TP73: variants seen among roughly 807,000 people sequenced by gnomAD.
TP73 encodes tumor protein p73, also known as p53-like transcription factor.
A neutral mutation model predicts 62.5 loss-of-function variants in TP73; 25 were observed. That is an observed-to-expected ratio of 0.40 (90% confidence interval 0.29 to 0.56). The LOEUF is 0.56. Ranked by LOEUF, TP73 falls within the 20% of genes least tolerant of loss-of-function variation. TP73 has a pLI of 0.46. For synonymous variants in TP73, 423 were observed against 377.5 expected, an observed-to-expected ratio of 1.12 and a Z score of -1.40; for missense variants, 754 against 913.3, an observed-to-expected ratio of 0.83 and a Z score of 2.25.
chr1:3,688,426 A>G (rs1050002637), intron 3 of TP73, among the ~76,000 whole-genome samples: 1 of 152,304 alleles, frequency 6.6e-6, no homozygotes. Flanking sequence ...GTTCTGGCAC[A>G]TAACCCCTCC....
rs1381544759 is a variant in TP73, at chr1:3,731,062, T to C, written c.1481T>C (p.Val494Ala). 8 of 1,610,772 alleles carry C rather than the reference T, an allele frequency of 5.0e-6. No individual in the cohort carries two copies. The Admixed American group carries it at 6.7e-5, about 13-fold the overall frequency. ...CCCTACCACGCCGACCCCAGCCTCG[T>C]CAGGTGCGTGGGCTGCCGAGGGCCT... ...PPPYHADPSL[V>A]SFLTGLGCPN... is the part of the protein sequence containing the mutation. The change falls in exon 12 of 14, where the codon GTC becomes GCC. Residue 494 changes from valine (V) to alanine (A), a missense_variant. Physicochemically the swap from Val to Ala is moderately conservative, Grantham distance 64. Coordinates refer to ENST00000378295, the MANE Select transcript of TP73 (RefSeq NM_005427.4).
In TP73 at chr1:3,683,066, A is replaced by G. The variant is rs745328021; in HGVS notation, c.72A>G (p.Pro24=). 2.1e-5 allele frequency: 33 copies of G among 1,606,898 alleles called. No homozygotes were observed. The highest frequency in any genetic ancestry group is 2.7e-5 in the Non-Finnish European group (32 of 1,174,500). ...TFEHLWSSLE[P]DSTYFDLPQS... ...TTTCCTCTCCCTGCCCCAGGGAACC[A>G]GACAGCACCTACTTCGACCTTCCCC... Residue 24 remains proline, a synonymous_variant, in exon 3 of 14, where the codon CCA becomes CCG. Transcript: ENST00000378295.
chr1:3,687,402 T>G (rs1645686775), intron 3 of TP73, among the ~76,000 whole-genome samples: 2 of 152,132 alleles, frequency 1.3e-5, no homozygotes, highest in Non-Finnish European at 2.9e-5. Context: ...TAAAGCTCCC[T>G]CGTAGGCTCG....
chr1:3,705,047 C>T (rs1236340031), intron 3 of TP73, among the ~76,000 whole-genome samples: 3 of 152,176 alleles, frequency 2.0e-5, no homozygotes, highest in Non-Finnish European at 2.9e-5. Context: ...TATTTTGTTT[C>T]GTTTTTTGAG....
At chr1:3,676,445 CAG>C (rs1038909437) in intron 1 of TP73, among the ~76,000 whole-genome samples, 7 of 117,534 alleles carry the variant, frequency 6.0e-5, no homozygotes, top group African/African-American at 1.7e-4. Flanking sequence ...GACAGAGGAA[CAG>C]GGGACAGGGA....
At chr1:3,730,224 A>C (rs2124539134) in intron 11 of TP73, 76 bp downstream of exon 11, 1 of 1,374,832 alleles carries the variant, frequency 7.3e-7, no homozygotes, top group Admixed American at 2.9e-5. Flanking sequence ...AGGACACACC[A>C]CCCAGCTCGG....
At chr1:3,729,899 G>C in intron 10 of TP73, 101 bp from the exon 11 acceptor site, 1 of 1,437,766 alleles carries the variant, frequency 7.0e-7, no homozygotes, top group Non-Finnish European at 9.3e-7. Context: ...TGACATCAGA[G>C]GCTCCACCCA....
chr1:3,688,289 G>A (rs1177028261), intron 3 of TP73, among the ~76,000 whole-genome samples: 1 of 152,220 alleles, frequency 6.6e-6, no homozygotes, highest in Non-Finnish European at 1.5e-5. Flanking sequence ...AGGTCTCAGA[G>A]CCTTGCAGCT....
chr1:3,700,317 C>T (rs1183257589), intron 3 of TP73, among the ~76,000 whole-genome samples: 1 of 152,130 alleles, frequency 6.6e-6, no homozygotes, highest in Non-Finnish European at 1.5e-5. Context: ...AAATACGTTC[C>T]GTTCTGGACA....
intron 4 of TP73, among the ~76,000 whole-genome samples, chr1:3,711,930 C>A (rs1359515020): frequency 6.6e-6 from 1 of 152,046 alleles, no homozygotes; most frequent in Non-Finnish European, 1.5e-5. Context: ...AGGAAAGCCC[C>A]CCGTCCAGGA....
Position 3,696,079 on chromosome 1 carries a change from C to A in TP73, c.187-11470C>A, listed in dbSNP as rs916222990. On this transcript the variant is annotated intron_variant, in intron 3 of 13. Transcript: ENST00000378295. The surrounding 1 kb of genome is among the most constrained non-coding windows in gnomAD (Gnocchi z 4.1). ...AAGGAGCCGCATGCAGGGAGGAGGA[C>A]GACGAGCGAGCAGTTCCCAAAGCCC... Among the ~76,000 whole-genome samples the A allele has an allele frequency of 2.6e-5, 4 of 152,102 alleles. No individual in the cohort carries two copies. Among genetic ancestry groups the A allele is most frequent in the African/African-American group, 9.7e-5 (4 of 41,436 alleles).
At chr1:3,705,998 G>A (rs920783904) in intron 3 of TP73, among the ~76,000 whole-genome samples, 5 of 152,216 alleles carry the variant, frequency 3.3e-5, no homozygotes, top group African/African-American at 7.2e-5. Context: ...CCTCCTGTGC[G>A]GGCAGTGCAC....
At chr1:3,722,264 C>T (rs1641132632) in intron 5 of TP73, 57 bp downstream of exon 5, 3 of 1,589,270 alleles carry the variant, frequency 1.9e-6, no homozygotes, top group Non-Finnish European at 2.6e-6. Flanking sequence ...TCCCGGACAG[C>T]ACAGCCGGGG....
At chr1:3,727,472 C>A in intron 7 of TP73, 156 bp from the exon 8 acceptor site, 1 of 1,148,880 alleles carries the variant, frequency 8.7e-7, no homozygotes, top group Non-Finnish European at 1.2e-6. Flanking sequence ...GCCTCTGACT[C>A]CCTCTAGCGG....
intron 3 of TP73, among the ~76,000 whole-genome samples, chr1:3,687,550 C>T (rs1048719118): frequency 2.7e-5 from 4 of 150,058 alleles, no homozygotes; most frequent in Admixed American, 6.6e-5. Flanking sequence ...AGCGTCCCCT[C>T]GGACAAAACC....
chr1:3,661,651 A>G (rs1310974372), intron 1 of TP73, among the ~76,000 whole-genome samples: 1 of 151,230 alleles, frequency 6.6e-6, no homozygotes, highest in Non-Finnish European at 1.5e-5. Flanking sequence ...TTCATGCCAC[A>G]GTGAGCTGAG....
At chr1:3,731,979 C>T (rs1165878860) in intron 13 of TP73, among the ~76,000 whole-genome samples, 1 of 152,236 alleles carries the variant, frequency 6.6e-6, no homozygotes, top group Non-Finnish European at 1.5e-5. Context: ...GGCCCGAGGC[C>T]ACACAGCTCT....
intron 1 of TP73, among the ~76,000 whole-genome samples, chr1:3,675,490 G>A (rs1268688509): frequency 1.3e-5 from 2 of 152,154 alleles, no homozygotes; most frequent in Non-Finnish European, 2.9e-5. Context: ...GTTCCTGGGG[G>A]CTTTTCCCTC....
In TP73 at chr1:3,722,178, A is replaced by G. The variant is rs753501219; in HGVS notation, c.587A>G (p.Asn196Ser). The G allele has an allele frequency of 1.9e-6, 3 of 1,612,564 alleles. No individual in the cohort carries two copies. The highest frequency in any genetic ancestry group is 2.2e-5 in the South Asian group (2 of 91,070). ...HVTDVVKRCPNHELGRDFNEG... is the reference protein window; with the variant it reads ...HVTDVVKRCPSHELGRDFNEG... The stretch of plus-strand genomic sequence containing the variant: ...ACCGACGTCGTGAAACGCTGCCCCA[A>G]CCACGAGCTCGGGAGGGACTTCAAC... Residue 196 changes from asparagine (N) to serine (S), a missense_variant, in exon 5 of 14, where the codon AAC (asparagine) becomes AGC (serine). Physicochemically the swap from Asn to Ser is conservative, Grantham distance 46 (BLOSUM62 1). Around this residue, in one of 3 missense-constraint regions of TP73, gnomAD observed 61 missense variants for 133.2 expected, o/e 0.46. Coordinates refer to ENST00000378295, the MANE Select transcript of TP73 (RefSeq NM_005427.4).
Sources: allele counts gnomAD v4.1 joint callset (sites outside exome capture counted in the v4.1 genomes callset), GRCh38; gene constraint gnomAD v4.1.1; regional missense constraint gnomAD v4.1.1; non-coding constraint Gnocchi (gnomAD v3.1); transcripts MANE v1.5; gene names NCBI Gene and HGNC (gene_info 2026-07-23, HGNC 2026-07-21).